Variants in DLG2 observed in about 807,000 individuals in gnomAD.
The protein encoded by DLG2 is disks large homolog 2.
Under a neutral mutation model 132.5 loss-of-function variants are expected in DLG2, and 45 were observed. That is an observed-to-expected ratio of 0.34 (90% CI 0.27 to 0.44). DLG2 has a LOEUF of 0.44. Ranked by LOEUF, DLG2 falls within the 20% of genes least tolerant of loss-of-function variation. DLG2 has a pLI of 1.00. For synonymous variants in DLG2, 424 were observed against 419.6 expected (o/e 1.01, Z -0.13); for missense variants, 1,045 against 1,196.9 (o/e 0.87, Z 1.87).
intron 18 of DLG2, among the ~76,000 whole-genome samples, chr11:83,753,880 A>G (rs1443345286): frequency 1.3e-5 from 1 of 77,534 alleles, no homozygotes; most frequent in Non-Finnish European, 2.2e-5. Flanking sequence ...TATATGATAT[A>G]TATCATATAT....
At chr11:84,859,449 CATAT>C (rs1325914476) in intron 6 of DLG2, among the ~76,000 whole-genome samples, 1 of 141,234 alleles carries the variant, frequency 7.1e-6, no homozygotes, top group Non-Finnish European at 1.5e-5. Flanking sequence ...TATATACATA[CATAT>C]ATACATATAT....
At chr11:84,514,462 T>A (rs1403733749) in intron 7 of DLG2, among the ~76,000 whole-genome samples, 1 of 152,026 alleles carries the variant, frequency 6.6e-6, no homozygotes, top group Non-Finnish European at 1.5e-5. Context: ...AACACATGGA[T>A]GGATAAAGAA....
intron 7 of DLG2, among the ~76,000 whole-genome samples, chr11:84,286,947 C>G (rs1050079763): frequency 6.6e-6 from 1 of 152,132 alleles, no homozygotes; most frequent in Admixed American, 6.6e-5. Flanking sequence ...AGAATCCTAA[C>G]TTCAACGCTT....
At chr11:83,681,179 A>C (rs985552263) in intron 18 of DLG2, among the ~76,000 whole-genome samples, 2 of 152,180 alleles carry the variant, frequency 1.3e-5, no homozygotes, top group African/African-American at 4.8e-5. Flanking sequence ...ATTGCAAAAA[A>C]AAGTACGTCA....
intron 27 of DLG2, among the ~76,000 whole-genome samples, chr11:83,460,710 A>C (rs1295279333): frequency 6.6e-6 from 1 of 152,192 alleles, no homozygotes; most frequent in Non-Finnish European, 1.5e-5. Flanking sequence ...AAAATAAATT[A>C]CTACTGAAAG....
At chr11:84,133,447 T>C (rs1273062677) in intron 9 of DLG2, among the ~76,000 whole-genome samples, 1 of 152,016 alleles carries the variant, frequency 6.6e-6, no homozygotes, top group Non-Finnish European at 1.5e-5. Context: ...CTGCTAAATA[T>C]TTATAGGATT....
At chr11:85,048,449 G>C (rs1454703393) in intron 6 of DLG2, among the ~76,000 whole-genome samples, 1 of 151,954 alleles carries the variant, frequency 6.6e-6, no homozygotes, top group Non-Finnish European at 1.5e-5. Context: ...TGACCAGAGA[G>C]AGACCTTAAC....
At chr11:84,801,686 A>C (rs1350728782) in intron 6 of DLG2, among the ~76,000 whole-genome samples, 1 of 152,206 alleles carries the variant, frequency 6.6e-6, no homozygotes, top group East Asian at 1.9e-4. Flanking sequence ...CAATCATATT[A>C]ATGTCTGCAG....
chr11:83,678,806 C>A (rs184971076), intron 18 of DLG2, among the ~76,000 whole-genome samples: 1 of 152,162 alleles, frequency 6.6e-6, no homozygotes, highest in East Asian at 1.9e-4. Context: ...TCAGAGCTTG[C>A]CTTGAATTTG....
chr11:83,595,265 G>A (rs2057377551), intron 19 of DLG2, among the ~76,000 whole-genome samples: 1 of 152,174 alleles, frequency 6.6e-6, no homozygotes, highest in Non-Finnish European at 1.5e-5. Context: ...AAGGCATTAA[G>A]TGCTTTTATG....
chr11:83,672,056 A>G (rs2076919024), intron 18 of DLG2, among the ~76,000 whole-genome samples: 1 of 152,198 alleles, frequency 6.6e-6, no homozygotes, highest in Non-Finnish European at 1.5e-5. Context: ...GAAGGGAGTA[A>G]GGAAGGAAAT....
At chr11:84,952,182 G>C (rs1330917557) in intron 6 of DLG2, among the ~76,000 whole-genome samples, 1 of 152,170 alleles carries the variant, frequency 6.6e-6, no homozygotes, top group Non-Finnish European at 1.5e-5. Context: ...AGAAATCTAA[G>C]ACGTAAAGTA....
intron 8 of DLG2, among the ~76,000 whole-genome samples, chr11:84,203,583 A>G (rs1175479199): frequency 6.8e-6 from 1 of 147,740 alleles, no homozygotes; most frequent in African/African-American, 2.5e-5. Context: ...CTCCGTCTCA[A>G]AAAAAAAAAA....
At chr11:84,097,905 CATGAGGGTAACTCTTATTTCCCACA>C (rs1179961384) in intron 10 of DLG2, among the ~76,000 whole-genome samples, 1 of 152,106 alleles carries the variant, frequency 6.6e-6, no homozygotes, top group Non-Finnish European at 1.5e-5. Context: ...TTATTTACCC[CATGAGGGTAACTCTTATTTCCCACA>C]ATTAAGTTCC....
intron 6 of DLG2, among the ~76,000 whole-genome samples, chr11:84,814,859 A>G (rs34792445): frequency 0.011 from 1,718 of 152,274 alleles, 36 homozygotes; most frequent in African/African-American, 0.038. Flanking sequence ...TTATTTGCTC[A>G]GGAAAATCTC....
intron 11 of DLG2, among the ~76,000 whole-genome samples, chr11:83,999,449 C>A (rs2094220532): frequency 6.6e-6 from 1 of 152,152 alleles, no homozygotes; most frequent in South Asian, 2.1e-4. Context: ...CTATCACTGC[C>A]ATTGTCCATG....
intron 19 of DLG2, among the ~76,000 whole-genome samples, chr11:83,596,116 A>G (rs1247235686): frequency 7.2e-5 from 11 of 152,346 alleles, no homozygotes; most frequent in African/African-American, 2.6e-4. Context: ...TAAAATATGC[A>G]CAAAAACAAC....
At chr11:84,238,099 G>T (rs998447981) in intron 8 of DLG2, among the ~76,000 whole-genome samples, 1 of 151,280 alleles carries the variant, frequency 6.6e-6, no homozygotes, top group African/African-American at 2.4e-5. Context: ...GACACTAGAG[G>T]GAAGTCAGTC....
At chr11:83,823,863 C>T (rs549408899) in intron 17 of DLG2, among the ~76,000 whole-genome samples, 19 of 152,224 alleles carry the variant, frequency 1.2e-4, no homozygotes, top group Non-Finnish European at 2.1e-4. Context: ...CTTTTAAATG[C>T]TCTTTTTTTA....
Sources: gnomAD v4.1 joint callset for allele counts (sites outside exome capture counted in the v4.1 genomes callset) on GRCh38, gnomAD v4.1.1 for gene constraint, MANE v1.5 for transcripts, NCBI Gene and HGNC (gene_info 2026-07-23, HGNC 2026-07-21) for gene names.